DEAF1: variants seen among roughly 807,000 people sequenced by gnomAD.
DEAF1 encodes the protein DEAF1 transcription factor.
Under a neutral mutation model 58.9 loss-of-function variants are expected in DEAF1, and 53 were observed. The ratio of observed to expected loss-of-function variants is 0.90; its 90% confidence interval spans 0.72 to 1.13. The LOEUF is 1.13. DEAF1 is among the 50% of genes most tolerant of loss of function. The probability of loss-of-function intolerance (pLI) is 0.00; values close to 1 mark genes in which losing one functional copy is unlikely to be tolerated. For missense variants in DEAF1, 685 were observed against 791.4 expected, an observed-to-expected ratio of 0.87 and a Z score of 1.61; for synonymous variants, 385 against 340.4, an observed-to-expected ratio of 1.13 and a Z score of -1.44.
At chr11:706,751 C>A (rs1220279625) in exon 1 of DEAF1, 2 of 152,582 alleles carry the variant, frequency 1.3e-5, no homozygotes, top group Non-Finnish European at 2.9e-5. Flanking sequence ...GGAGGCACTT[C>A]CTGGGTGTCG....
Position 688,586 on chromosome 11 carries a change from G to A in DEAF1, c.388-126C>T. 1 of 1,123,900 alleles carries A rather than the reference G, an allele frequency of 8.9e-7. No individual in the cohort carries two copies. Among genetic ancestry groups the A allele is most frequent in the Middle Eastern group, 2.5e-4 (1 of 3,944 alleles). 69.6% of individuals were successfully genotyped at this position (1,123,900 alleles called of 1,614,324 possible). ...CTCACCAAGAAGGGACGCTCACCTA[G>A]GCACCCCATATCTTTTCCAAAGATA... On this transcript the variant is annotated intron_variant, in intron 2 of 11. Transcript: ENST00000382409. This position sits in a 1 kb window ranked among gnomAD's most constrained non-coding sequence, Gnocchi z 4.3.
chr11:703,919 G>A (rs1019554061), intron 1 of DEAF1: 38 of 1,240,684 alleles, frequency 3.1e-5, no homozygotes, highest in South Asian at 1.2e-4. Context: ...CCTTTTGCAC[G>A]GAGTGCTAAA....
chr11:653,530 A>G (rs10902187), intron 11 of DEAF1, among the ~76,000 whole-genome samples: 8,608 of 139,254 alleles, frequency 0.062, 293 homozygotes, highest in Admixed American at 0.14. Flanking sequence ...GGGCTCAATA[A>G]TAGAGGAACT....
chr11:682,465 A>G (rs567925153), intron 6 of DEAF1, among the ~76,000 whole-genome samples: 3 of 152,298 alleles, frequency 2.0e-5, no homozygotes, highest in African/African-American at 4.8e-5. Context: ...CAAAATGTCC[A>G]TTCTTTTCCA....
chr11:654,246 G>GC (rs1423427759), intron 10 of DEAF1, among the ~76,000 whole-genome samples, 195 bp from the exon 11 acceptor site: 1 of 140,228 alleles, frequency 7.1e-6, no homozygotes, highest in Non-Finnish European at 1.5e-5. Context: ...TCAGCTCACT[G>GC]CAACTTCCGC....
At chr11:667,453 A>C (rs890686504) in intron 10 of DEAF1, among the ~76,000 whole-genome samples, 12 of 101,222 alleles carry the variant, frequency 1.2e-4, no homozygotes, top group African/African-American at 6.4e-4. Flanking sequence ...GGAAGGAAGG[A>C]AGGCAGGTAG....
chr11:678,513 T>G, intron 9 of DEAF1, 181 bp downstream of exon 9: 1 of 869,684 alleles, frequency 1.1e-6, no homozygotes, highest in Admixed American at 1.9e-5. Flanking sequence ...CGTGGCTGTG[T>G]GTCAGTAAAA....
At position 653,475 on chromosome 11, in the gene DEAF1, A is replaced by G. The variant is rs111864780; in HGVS notation, c.1593+487T>C. 4.3e-3 allele frequency among the ~76,000 whole-genome samples: 377 copies of G among 87,858 alleles called. 2 individuals carry two copies. Among genetic ancestry groups the G allele is most frequent in the African/African-American group, 0.012 (232 of 19,868 alleles). The allele number at this position is 87,858 out of a possible 152,430, so 57.6% of individuals were successfully genotyped here. ...GGGGTGTGGAGGGCTCAATAATAGA[A>G]GAACTGTGGACAGTCTCTCTCGCGT... is the stretch of plus-strand genomic sequence containing the variant. On this transcript the variant is annotated intron_variant, in intron 11 of 11. Transcript: ENST00000382409.
intron 11 of DEAF1, chr11:646,345 C>T (rs1200658584): frequency 3.3e-5 from 5 of 152,012 alleles, no homozygotes; most frequent in East Asian, 1.9e-4. Flanking sequence ...ACTGCAGCAT[C>T]GGGTGCAGAC....
At chr11:678,239 T>G in intron 9 of DEAF1, 1 of 190,946 alleles carries the variant, frequency 5.2e-6, no homozygotes, top group South Asian at 9.3e-5. Flanking sequence ...AAACGAAAAA[T>G]CAAAGTTAGA....
intron 10 of DEAF1, among the ~76,000 whole-genome samples, chr11:667,845 C>T (rs1435089684): frequency 6.8e-6 from 1 of 147,700 alleles, no homozygotes; most frequent in Non-Finnish European, 1.5e-5. Context: ...GGCGTGTTAG[C>T]TCATGCCTGT....
At chr11:693,966 C>G (rs1184172855) in intron 1 of DEAF1, among the ~76,000 whole-genome samples, 3 of 151,898 alleles carry the variant, frequency 2.0e-5, no homozygotes, top group African/African-American at 7.2e-5. Flanking sequence ...GCTCCGCAGC[C>G]CCCCTGGGCC....
chr11:661,827 C>T (rs765550066), intron 10 of DEAF1, among the ~76,000 whole-genome samples: 3 of 152,216 alleles, frequency 2.0e-5, no homozygotes, highest in Non-Finnish European at 4.4e-5. Flanking sequence ...CATTCCCACA[C>T]GTGGACCTTT....
intron 10 of DEAF1, among the ~76,000 whole-genome samples, chr11:658,141 T>C (rs531330717): frequency 3.3e-5 from 5 of 152,286 alleles, no homozygotes; most frequent in African/African-American, 1.2e-4. Context: ...AAAATAACCA[T>C]TCATTAGCCG....
intron 7 of DEAF1, among the ~76,000 whole-genome samples, chr11:680,611 C>T (rs911182434): frequency 1.3e-5 from 2 of 152,194 alleles, no homozygotes; most frequent in African/African-American, 4.8e-5. Context: ...CCACAGAGCT[C>T]TCCGCAGCCC....
rs1858965588 is a variant in DEAF1 at position 654,772 on chromosome 11, G to A, written c.1504-721C>T. The stretch of plus-strand genomic sequence containing the variant: ...TAATCCCAGCTACCTGGGAGGCTGA[G>A]GTGGGAGAATAGCTTGCACCCAGGA... On this transcript the variant is annotated intron_variant, in intron 10 of 11. Transcript: ENST00000382409. 3 of 393,326 alleles carry A rather than the reference G, an allele frequency of 7.6e-6. 1 individual carries two copies. The highest frequency in any genetic ancestry group is 4.2e-5 in the African/African-American group (2 of 47,442). 24.4% of individuals were successfully genotyped at this position (393,326 alleles called of 1,614,324 possible).
intron 10 of DEAF1, chr11:674,061 C>T (rs1444832843): frequency 3.4e-5 from 9 of 263,478 alleles, no homozygotes; most frequent in Non-Finnish European, 6.0e-5. Context: ...GCACAGGAGC[C>T]GCCTTCTGAA....
chr11:663,164 T>C (rs1859387536), intron 10 of DEAF1, among the ~76,000 whole-genome samples: 1 of 152,086 alleles, frequency 6.6e-6, no homozygotes, highest in East Asian at 1.9e-4. Flanking sequence ...ACACAAAACC[T>C]AGTTGAGCAT....
chr11:647,414 C>A (rs374302192), intron 11 of DEAF1, among the ~76,000 whole-genome samples: 1 of 152,108 alleles, frequency 6.6e-6, no homozygotes, highest in Non-Finnish European at 1.5e-5. Flanking sequence ...AAGATCGCGC[C>A]GCTGCACTCC....
Sources: gnomAD v4.1 joint callset for allele counts (sites outside exome capture counted in the v4.1 genomes callset) on GRCh38, gnomAD v4.1.1 for gene constraint, Gnocchi (gnomAD v3.1) non-coding constraint, MANE v1.5 for transcripts, NCBI Gene and HGNC (gene_info 2026-07-23, HGNC 2026-07-21) for gene names.